Variants in SEL1L observed in about 807,000 individuals in gnomAD.
SEL1L encodes the protein SEL1L adaptor subunit of SYVN1 ubiquitin ligase, also known as protein sel-1 homolog 1.
In SEL1L, 52 loss-of-function variants were observed where a neutral mutation model predicts 109.8. The observed-to-expected ratio is 0.47, with a 90% CI of 0.38 to 0.60. The LOEUF (loss-of-function observed/expected upper bound fraction) is 0.60, where lower values mean the gene tolerates loss of function less well. SEL1L is among the 20% of genes least tolerant of loss of function. The pLI is 0.00. For synonymous variants in SEL1L, 373 were observed against 339.6 expected (o/e 1.10, Z -1.08); for missense variants, 749 against 962.2 (o/e 0.78, Z 2.93).
At chr14:81,528,630 T>G (rs185410028) in intron 1 of SEL1L, among the ~76,000 whole-genome samples, 2 of 152,174 alleles carry the variant, frequency 1.3e-5, no homozygotes, top group Non-Finnish European at 2.9e-5. Context: ...TGTCAGATCA[T>G]CTTTAAGTTT....
intron 4 of SEL1L, among the ~76,000 whole-genome samples, chr14:81,505,812 T>C (rs1884216816): frequency 6.6e-6 from 1 of 152,218 alleles, no homozygotes. Flanking sequence ...TTTATCAGGC[T>C]GCCTGAAGGG....
intron 3 of SEL1L, among the ~76,000 whole-genome samples, chr14:81,515,356 T>C (rs1884659868): frequency 6.6e-6 from 1 of 152,244 alleles, no homozygotes; most frequent in South Asian, 2.1e-4. Context: ...AGAGATGTTA[T>C]GTTATTGTTA....
intron 3 of SEL1L, among the ~76,000 whole-genome samples, chr14:81,509,777 A>G (rs1884388653): frequency 6.6e-6 from 1 of 152,218 alleles, no homozygotes; most frequent in Non-Finnish European, 1.5e-5. Flanking sequence ...GTTAAAATGT[A>G]AAGGTCCATA....
intron 3 of SEL1L, among the ~76,000 whole-genome samples, chr14:81,524,086 G>C (rs1221673751): frequency 6.6e-6 from 1 of 152,080 alleles, no homozygotes; most frequent in Non-Finnish European, 1.5e-5. Flanking sequence ...GGTAATCAAA[G>C]ACTTGATGAG....
At chr14:81,526,310 T>G (rs192251277) in intron 3 of SEL1L, among the ~76,000 whole-genome samples, 2 of 152,316 alleles carry the variant, frequency 1.3e-5, no homozygotes, top group East Asian at 3.9e-4. Flanking sequence ...TCAAATTACC[T>G]AGGATGATCG....
intron 4 of SEL1L, among the ~76,000 whole-genome samples, chr14:81,504,856 C>T (rs1884171201): frequency 6.6e-6 from 1 of 152,152 alleles, no homozygotes; most frequent in South Asian, 2.1e-4. Context: ...CTCATCATCT[C>T]TCTCGTTCCT....
Position 81,533,720 on chromosome 14 carries a change from G to A in SEL1L, c.25C>T (p.Leu9=), listed in dbSNP as rs756193182. 2 of 1,613,642 alleles carry A rather than the reference G, an allele frequency of 1.2e-6. No individual in the cohort carries two copies. Among genetic ancestry groups the A allele is most frequent in the South Asian group, 2.2e-5 (2 of 91,072 alleles). MRVRIGLT[L]LLCAVLLSLA... The stretch of plus-strand genomic sequence containing the variant: ...CTCAGCAGCACCGCACACAGCAGCA[G>A]CGTCAGCCCTATCCGGACCCGCATC... Residue 9 remains leucine (L), a synonymous_variant, in exon 1 of 21, where the codon CTG becomes TTG. Coordinates refer to ENST00000336735, the MANE Select transcript of SEL1L (RefSeq NM_005065.6).
intron 3 of SEL1L, among the ~76,000 whole-genome samples, chr14:81,510,916 C>CA (rs1884452283): frequency 6.6e-6 from 1 of 151,670 alleles, no homozygotes; most frequent in African/African-American, 2.4e-5. Context: ...CGATTGTCAC[C>CA]AAAAAAAATC....
intron 11 of SEL1L, among the ~76,000 whole-genome samples, chr14:81,493,245 C>G (rs1883615932): frequency 6.6e-6 from 1 of 152,172 alleles, no homozygotes; most frequent in South Asian, 2.1e-4. Flanking sequence ...CACGGTGGCT[C>G]TCACCTGTAA....
rs144085452 is a variant in SEL1L, at chr14:81,514,708, G to A, written c.341-8467C>T. ...GCAGGGAGAGAAACAAACCAAAACC[G>A]CGGGCGGTTCTGTCTTTCAGATGGG... On this transcript the variant is annotated intron_variant, in intron 3 of 20. Coordinates refer to ENST00000336735, the MANE Select transcript of SEL1L (RefSeq NM_005065.6). Among the ~76,000 whole-genome samples, 1,036 of 152,230 alleles carry A rather than the reference G, an allele frequency of 6.8e-3. 13 individuals are homozygous for A. The highest frequency in any genetic ancestry group is 0.022 in the African/African-American group (925 of 41,546).
chr14:81,504,085 G>A (rs181500941), intron 5 of SEL1L, 116 bp downstream of exon 5: 121 of 539,946 alleles, frequency 2.2e-4, no homozygotes, highest in African/African-American at 2.2e-3. Context: ...TTTTTGTAAT[G>A]GAACTTAAAA....
intron 20 of SEL1L, among the ~76,000 whole-genome samples, chr14:81,477,605 G>A (rs528288304): frequency 6.3e-4 from 96 of 152,240 alleles, no homozygotes; most frequent in South Asian, 1.2e-3. Flanking sequence ...TTGAGGCCAG[G>A]AGTTCAAGAC....
At chr14:81,533,626 C>A (rs553081679) in intron 1 of SEL1L, 49 bp downstream of exon 1, 2 of 1,582,912 alleles carry the variant, frequency 1.3e-6, no homozygotes, top group East Asian at 2.3e-5. Flanking sequence ...GCTGTAGAGG[C>A]TGGGGGGCGG....
At chr14:81,502,694 G>T in intron 6 of SEL1L, 27 bp downstream of exon 6, 2 of 1,607,770 alleles carry the variant, frequency 1.2e-6, no homozygotes, top group Non-Finnish European at 8.5e-7. Context: ...TACATGCAGA[G>T]AGATTCTTCA....
At chr14:81,495,349 C>T (rs1416568285) in intron 10 of SEL1L, among the ~76,000 whole-genome samples, 1 of 152,198 alleles carries the variant, frequency 6.6e-6, no homozygotes, top group African/African-American at 2.4e-5. Context: ...TTGCAAAGTA[C>T]CATTTGCGGC....
At chr14:81,513,576 C>G (rs867477985) in intron 3 of SEL1L, among the ~76,000 whole-genome samples, 1 of 152,126 alleles carries the variant, frequency 6.6e-6, no homozygotes, top group Non-Finnish European at 1.5e-5. Flanking sequence ...TTGGCACCCA[C>G]GAAGGGACAA....
intron 1 of SEL1L, among the ~76,000 whole-genome samples, 187 bp downstream of exon 1, chr14:81,533,488 C>T (rs1438007350): frequency 6.6e-6 from 1 of 152,180 alleles, no homozygotes; most frequent in Non-Finnish European, 1.5e-5. Context: ...CTTTTTCCAC[C>T]CCACTCCACC....
chr14:81,533,170 A>G (rs528554386), intron 1 of SEL1L, among the ~76,000 whole-genome samples: 3 of 152,340 alleles, frequency 2.0e-5, no homozygotes, highest in East Asian at 3.9e-4. Context: ...GATGAGATCA[A>G]AAGTCTTCGT....
chr14:81,518,312 T>A (rs1037738860), intron 3 of SEL1L, among the ~76,000 whole-genome samples: 1 of 150,200 alleles, frequency 6.7e-6, no homozygotes, highest in East Asian at 1.9e-4. Flanking sequence ...AAAAAAAAAG[T>A]TAATACAGAA....
Sources: allele counts gnomAD v4.1 joint callset (sites outside exome capture counted in the v4.1 genomes callset), GRCh38; gene constraint gnomAD v4.1.1; transcripts MANE v1.5; gene names NCBI Gene and HGNC (gene_info 2026-07-23, HGNC 2026-07-21).